The following FAM186A variants were observed in gnomAD, a reference collection of about 807,000 sequenced individuals.
The protein encoded by FAM186A is protein FAM186A.
Under a neutral mutation model 216.8 loss-of-function variants are expected in FAM186A, and 163 were observed. The ratio of observed to expected loss-of-function variants is 0.75; its 90% CI spans 0.66 to 0.86. FAM186A has a LOEUF of 0.86. Ranked by LOEUF, FAM186A falls within the 40% of genes least tolerant of loss-of-function variation. The pLI, the probability that FAM186A is intolerant of heterozygous loss-of-function variation, is 0.00. For missense variants in FAM186A, 2,184 were observed against 2,746.2 expected, an observed-to-expected ratio of 0.80 and a Z score of 4.58; for synonymous variants, 805 against 1,025.3, an observed-to-expected ratio of 0.79 and a Z score of 4.10.
chr12:50,341,625 A>G lies in FAM186A; in HGVS notation c.6504-7522T>C, dbSNP rs992210120. Among the ~76,000 whole-genome samples, 9 of 152,282 alleles carry G rather than the reference A, an allele frequency of 5.9e-5. No homozygotes were observed. In the South Asian group the frequency reaches 6.2e-4, roughly 11 times the overall value. ...GCCAAGGTGGGCAGATCACGAGGTC[A>G]GGAGTTCGAGACCAACCTGGCCAAC... On this transcript the variant is annotated intron_variant, in intron 4 of 7. Coordinates refer to ENST00000327337, the MANE Select transcript of FAM186A (RefSeq NM_001145475.3).
intron 1 of FAM186A, among the ~76,000 whole-genome samples, chr12:50,369,083 G>C (rs1216461064): frequency 6.6e-6 from 1 of 151,660 alleles, no homozygotes; most frequent in Non-Finnish European, 1.5e-5. Flanking sequence ...ATAGATTAAA[G>C]ACCTAACACT....
intron 1 of FAM186A, among the ~76,000 whole-genome samples, chr12:50,370,452 T>C (rs955359840): frequency 6.6e-5 from 10 of 152,048 alleles, no homozygotes; most frequent in African/African-American, 2.2e-4. Flanking sequence ...CACAATGATA[T>C]ACTACTTCAT....
intron 4 of FAM186A, among the ~76,000 whole-genome samples, chr12:50,343,707 C>T (rs1241413355): frequency 2.0e-5 from 3 of 152,234 alleles, no homozygotes; most frequent in Non-Finnish European, 4.4e-5. Flanking sequence ...CAACCTCCAC[C>T]TCCCGGGTTC....
chr12:50,386,353 T>G (rs1943303512), intron 1 of FAM186A, among the ~76,000 whole-genome samples: 1 of 151,508 alleles, frequency 6.6e-6, no homozygotes, highest in African/African-American at 2.4e-5. Context: ...ACCTGGGAGG[T>G]GGAGGTTGCA....
chr12:50,331,923 T>A, intron 5 of FAM186A, 102 bp from the exon 6 acceptor site: 1 of 1,010,170 alleles, frequency 9.9e-7, no homozygotes, highest in Non-Finnish European at 1.4e-6. Context: ...ACTCCTCCTT[T>A]TCCATGGATT....
In FAM186A at chr12:50,355,847, G is replaced by T; in HGVS notation, c.985C>A (p.Gln329Lys). The T allele has an allele frequency of 6.4e-7, 1 of 1,551,168 alleles. No individual in the cohort carries two copies. The highest frequency in any genetic ancestry group is 8.7e-7 in the Non-Finnish European group (1 of 1,146,936). ...ATAACAATTTTGGATCGAATAAGTTGTTCACATTTTTCTTCTGCATCTTGA... is the reference window on the plus strand; with the variant it reads ...ATAACAATTTTGGATCGAATAAGTTTTTCACATTTTTCTTCTGCATCTTGA... ...KLQDAEEKCE[Q>K]LIRSKIVIEQ... The change falls in exon 4 of 8, where the codon CAA (glutamine) becomes AAA (lysine). Residue 329 changes from glutamine to lysine, a missense_variant. This residue lies in a region of FAM186A where 1,132 missense variants were observed against 1,263.4 expected (regional missense o/e 0.90). Transcript: ENST00000327337.
intron 4 of FAM186A, among the ~76,000 whole-genome samples, chr12:50,346,237 A>AAAGAAAGAAAGAAAGAAAGAGAG (rs1383898895): frequency 9.8e-6 from 1 of 102,184 alleles, no homozygotes; most frequent in Non-Finnish European, 2.0e-5. Flanking sequence ...AAGAAAGAAA[A>AAAGAAAGAAAGAAAGAAAGAGAG]AAAGAAAGAA....
intron 4 of FAM186A, among the ~76,000 whole-genome samples, chr12:50,336,468 G>T (rs191104811): frequency 1.1e-4 from 17 of 152,114 alleles, no homozygotes; most frequent in Non-Finnish European, 2.2e-4. Flanking sequence ...GACGGGTGGG[G>T]TGCTTGTTGA....
At position 50,396,318 on chromosome 12, in the gene FAM186A, C is replaced by T. The variant is rs945697985; in HGVS notation, c.167G>A (p.Arg56His). 1.3e-5 allele frequency: 20 copies of T among 1,550,246 alleles called. No homozygotes were observed. Among genetic ancestry groups the T allele is most frequent in the Middle Eastern group, 1.7e-4 (1 of 6,002 alleles). Residue 56 changes from arginine (R) to histidine (H), a missense_variant, in exon 1 of 8, where the codon CGC (arginine) becomes CAC (histidine). Physicochemically the swap from Arg to His is conservative, Grantham distance 29. Coordinates refer to ENST00000327337, the MANE Select transcript of FAM186A (RefSeq NM_001145475.3). The stretch of plus-strand genomic sequence containing the variant: ...CTCTCTGGCTCGATGGAGCTGTGCG[C>T]GCTCAATCCTAGAGATGATATCCTT... ...SVKDIISRIERAQLHRAREDI... is the reference protein window; with the variant it reads ...SVKDIISRIEHAQLHRAREDI...
At chr12:50,343,563 AG>A (rs1942784462) in intron 4 of FAM186A, among the ~76,000 whole-genome samples, 1 of 151,784 alleles carries the variant, frequency 6.6e-6, no homozygotes, top group African/African-American at 2.4e-5. Flanking sequence ...CAGCTTCCTG[AG>A]TAGCTGGGAC....
intron 1 of FAM186A, among the ~76,000 whole-genome samples, chr12:50,366,810 C>A (rs887551633): frequency 6.6e-6 from 1 of 151,434 alleles, no homozygotes; most frequent in Non-Finnish European, 1.5e-5. Flanking sequence ...TCCAGGAGTT[C>A]GAGACCAGCC....
intron 3 of FAM186A, among the ~76,000 whole-genome samples, chr12:50,358,300 G>A (rs1025026095): frequency 6.6e-6 from 1 of 152,178 alleles, no homozygotes; most frequent in Non-Finnish European, 1.5e-5. Context: ...CTTATATCCA[G>A]CGAGGTGTGG....
At chr12:50,372,191 G>A (rs893978617) in intron 1 of FAM186A, among the ~76,000 whole-genome samples, 3 of 152,152 alleles carry the variant, frequency 2.0e-5, no homozygotes, top group Admixed American at 2.0e-4. Flanking sequence ...AAGAGGTGAT[G>A]CAGTTGTAGC....
In FAM186A at chr12:50,351,090, G is replaced by T; in HGVS notation, c.5742C>A (p.Thr1914=). ...ATAATGAAGAAGCTCGCCCAGGAAGGGTCCATGTTGCCAGATGCTGCCCAG... is the reference window on the plus strand; with the variant it reads ...ATAATGAAGAAGCTCGCCCAGGAAGTGTCCATGTTGCCAGATGCTGCCCAG... ...STPGQHLATW[T]LPGRASSLWI... The change falls in exon 4 of 8, where the codon ACC becomes ACA. Residue 1914 remains threonine (T), a synonymous_variant. Coordinates refer to ENST00000327337, the MANE Select transcript of FAM186A (RefSeq NM_001145475.3). 1 of 1,551,496 alleles carries T rather than the reference G, an allele frequency of 6.4e-7. No homozygotes were observed. The highest frequency in any genetic ancestry group is 8.7e-7 in the Non-Finnish European group (1 of 1,146,972).
rs1385728573 is a variant in FAM186A, at chr12:50,374,522, T to G, written c.193-11158A>C. Among the ~76,000 whole-genome samples, 7 of 152,350 alleles carry G rather than the reference T, an allele frequency of 4.6e-5. No homozygotes were observed. In the East Asian group the frequency reaches 1.3e-3, roughly 29 times the overall value. On this transcript the variant is annotated intron_variant, in intron 1 of 7. Transcript: ENST00000327337. The stretch of plus-strand genomic sequence containing the variant: ...GATAATTTCTAAATGTAACTCACTA[T>G]GTCAACGGATTAAAGAAGAACCATT...
intron 1 of FAM186A, among the ~76,000 whole-genome samples, chr12:50,369,445 C>G (rs904810208): frequency 7.1e-6 from 1 of 141,582 alleles, no homozygotes; most frequent in African/African-American, 2.6e-5. Context: ...GAGCTGAGAT[C>G]GAGCCACTGC....
chr12:50,381,843 C>T (rs554103386), intron 1 of FAM186A, among the ~76,000 whole-genome samples: 1 of 152,056 alleles, frequency 6.6e-6, no homozygotes, highest in East Asian at 1.9e-4. Flanking sequence ...CCTGTAAGTC[C>T]CAGCTACTGA....
At chr12:50,356,967 C>A (rs1942983534) in intron 3 of FAM186A, among the ~76,000 whole-genome samples, 1 of 151,980 alleles carries the variant, frequency 6.6e-6, no homozygotes, top group African/African-American at 2.4e-5. Context: ...CCACTGCACT[C>A]AAGCCTGGGT....
rs190550189 is a variant in FAM186A at position 50,358,546 on chromosome 12, G to A, written c.583+2210C>T. On this transcript the variant is annotated intron_variant, in intron 3 of 7. Coordinates refer to ENST00000327337, the MANE Select transcript of FAM186A (RefSeq NM_001145475.3). ...GGCAGTGTACTATTATTGTACCAATGCACCCCAGCTTGGACGACAGAGCAA... is the reference window on the plus strand; with the variant it reads ...GGCAGTGTACTATTATTGTACCAATACACCCCAGCTTGGACGACAGAGCAA... 1.3e-3 allele frequency among the ~76,000 whole-genome samples: 193 copies of A among 151,952 alleles called. 1 individual carries two copies. The highest frequency in any genetic ancestry group is 8.1e-3 in the South Asian group (39 of 4,816).
Sources: gnomAD v4.1 joint callset for allele counts (sites outside exome capture counted in the v4.1 genomes callset) on GRCh38, gnomAD v4.1.1 for gene constraint, gnomAD v4.1.1 regional missense constraint, MANE v1.5 for transcripts, NCBI Gene and HGNC (gene_info 2026-07-23, HGNC 2026-07-21) for gene names.